Variants in CRAMP1 observed in about 807,000 individuals in gnomAD.
The protein encoded by CRAMP1 is protein cramped-like.
A neutral mutation model predicts 115.4 loss-of-function variants in CRAMP1; 50 were observed. The observed-to-expected ratio is 0.43, with a 90% CI of 0.35 to 0.55. The LOEUF is 0.55. Ranked by LOEUF, CRAMP1 falls within the 20% of genes least tolerant of loss-of-function variation. The pLI, the probability that CRAMP1 is intolerant of heterozygous loss-of-function variation, is 0.01. For missense variants in CRAMP1, 1,679 were observed against 1,721.7 expected (o/e 0.98, Z 0.44); for synonymous variants, 866 against 745.4 (o/e 1.16, Z -2.64).
In CRAMP1 at chr16:1,662,614, C is replaced by T. The variant is rs1220909621; in HGVS notation, c.2538C>T (p.Leu846=). Residue 846 remains leucine (L), a synonymous_variant, in exon 12 of 21, where the codon CTC becomes CTT. Transcript: ENST00000397412. ...CACCCAACAGCCGACACGGGAAGCT[C>T]TTCTCTCCCAGTAAAGAAGCAGAGC... The part of the protein sequence containing the change: ...TLPPNSRHGK[L]FSPSKEAELT... 1.2e-6 allele frequency: 2 copies of T among 1,613,926 alleles called. No individual in the cohort carries two copies. Among genetic ancestry groups the T allele is most frequent in the African/African-American group, 2.7e-5 (2 of 74,942 alleles).
At chr16:1,642,797 T>C (rs1335230264) in intron 6 of CRAMP1, among the ~76,000 whole-genome samples, 2 of 152,216 alleles carry the variant, frequency 1.3e-5, no homozygotes, top group Admixed American at 1.3e-4. Context: ...ATTTCCTCCA[T>C]GATTGATGGA....
Position 1,668,205 on chromosome 16 carries a change from G to A in CRAMP1, c.3334+12G>A, listed in dbSNP as rs377569270. On this transcript the variant is annotated intron_variant, in intron 18 of 20. Transcript: ENST00000397412. The stretch of plus-strand genomic sequence containing the variant: ...CTCCGGTCAGTACGGTAAGGGCAGG[G>A]CGGCCTCACAGCCCTTCCTGTCATC... The A allele has an allele frequency of 2.6e-5, 42 of 1,591,356 alleles. No individual in the cohort carries two copies. In the African/African-American group the frequency reaches 4.8e-4, roughly 18 times the overall value.
rs529763951 is a variant in CRAMP1, at chr16:1,654,369, G to A, written c.1038-850G>A. 1.2e-4 allele frequency among the ~76,000 whole-genome samples: 18 copies of A among 151,808 alleles called. No individual in the cohort carries two copies. The East Asian group carries it at 2.8e-3, about 23-fold the overall frequency. On this transcript the variant is annotated intron_variant, in intron 8 of 20. Coordinates refer to ENST00000397412, the MANE Select transcript of CRAMP1 (RefSeq NM_020825.4). ...TGGGATTACATGCGCGTGCCACCACGCCTGGCTAATTTTTGTATTTTTAGT... is the reference window on the plus strand; with the variant it reads ...TGGGATTACATGCGCGTGCCACCACACCTGGCTAATTTTTGTATTTTTAGT...
chr16:1,640,423 G>C (rs2036622454), intron 5 of CRAMP1, among the ~76,000 whole-genome samples: 1 of 152,128 alleles, frequency 6.6e-6, no homozygotes, highest in African/African-American at 2.4e-5. Context: ...TGGCTGCTTT[G>C]ACAATTTTGT....
chr16:1,633,781 GAC>G (rs2036564976), intron 4 of CRAMP1, among the ~76,000 whole-genome samples: 1 of 152,118 alleles, frequency 6.6e-6, no homozygotes, highest in Non-Finnish European at 1.5e-5. Context: ...CTTTTTGAAA[GAC>G]AGTCCAGGCT....
At chr16:1,647,039 A>G (rs2036681184) in intron 6 of CRAMP1, 2 of 702,782 alleles carry the variant, frequency 2.8e-6, no homozygotes, top group Admixed American at 2.0e-5. Flanking sequence ...TTACAAACAA[A>G]CAGGAAACCT....
At chr16:1,628,403 G>A (rs918340625) in intron 3 of CRAMP1, among the ~76,000 whole-genome samples, 1 of 152,116 alleles carries the variant, frequency 6.6e-6, no homozygotes, top group Non-Finnish European at 1.5e-5. Context: ...ACAGGTGCCC[G>A]CCACCACACC....
intron 2 of CRAMP1, among the ~76,000 whole-genome samples, chr16:1,615,683 G>A (rs2036412818): frequency 6.6e-6 from 1 of 152,198 alleles, no homozygotes; most frequent in African/African-American, 2.4e-5. Context: ...TAAGAAAACG[G>A]CATGTTAGTT....
chr16:1,662,338 T>C (rs2036839177), intron 11 of CRAMP1, 152 bp from the exon 12 acceptor site: 1 of 638,428 alleles, frequency 1.6e-6, no homozygotes, highest in Non-Finnish European at 2.8e-6. Flanking sequence ...TCAGTCTTTA[T>C]GTGGGACTGA....
At position 1,656,642 on chromosome 16, in the gene CRAMP1, A is replaced by G; in HGVS notation, c.1885A>G (p.Thr629Ala). ...CCCCGGGCTCCTGCTGGATGTTTGC[A>G]CTAAAGACTTGGCAGATGCACCTGC... ...PGPGLLLDVC[T>A]KDLADAPAEE... Residue 629 changes from threonine (T) to alanine (A), a missense_variant, in exon 10 of 21, where the codon ACT becomes GCT. By Grantham distance (58) the Thr-to-Ala change is moderately conservative. Transcript: ENST00000397412. The surrounding 1 kb of genome is among the most constrained non-coding windows in gnomAD (Gnocchi z 5.6). 2 of 1,579,130 alleles carry G rather than the reference A, an allele frequency of 1.3e-6. No individual in the cohort carries two copies. The highest frequency in any genetic ancestry group is 1.7e-6 in the Non-Finnish European group (2 of 1,163,702).
At position 1,656,796 on chromosome 16, in the gene CRAMP1, T is replaced by A; in HGVS notation, c.2039T>A (p.Leu680Gln). 7 of 1,548,310 alleles carry A rather than the reference T, an allele frequency of 4.5e-6. No homozygotes were observed. The highest frequency in any genetic ancestry group is 2.0e-5 in the Admixed American group (1 of 50,950). Reference protein sequence around the residue: ...AQQLREEGWNLQTSESLTLAE... With the variant: ...AQQLREEGWNQQTSESLTLAE... ...CAGCTCCGTGAGGAGGGCTGGAACCTGCAGACCTCCGAAAGCCTCACGCTG... is the reference window on the plus strand; with the variant it reads ...CAGCTCCGTGAGGAGGGCTGGAACCAGCAGACCTCCGAAAGCCTCACGCTG... The change falls in exon 10 of 21, where the codon CTG becomes CAG. Residue 680 changes from leucine to glutamine, a missense_variant. Transcript: ENST00000397412. This position sits in a 1 kb window ranked among gnomAD's most constrained non-coding sequence, Gnocchi z 5.6.
At chr16:1,657,364 C>T (rs143702178) in intron 10 of CRAMP1, among the ~76,000 whole-genome samples, 36 of 152,236 alleles carry the variant, frequency 2.4e-4, no homozygotes, top group Non-Finnish European at 1.5e-5. Context: ...TGTGAGCCGC[C>T]TCGTGTTCCT....
At chr16:1,651,843 G>A (rs1168883452) in intron 6 of CRAMP1, among the ~76,000 whole-genome samples, 1 of 151,186 alleles carries the variant, frequency 6.6e-6, no homozygotes, top group African/African-American at 2.4e-5. Flanking sequence ...TCACACAGAG[G>A]TCACAGAAAG....
chr16:1,657,694 G>C (rs932091926), intron 10 of CRAMP1, among the ~76,000 whole-genome samples: 2 of 152,178 alleles, frequency 1.3e-5, no homozygotes, highest in African/African-American at 4.8e-5. Context: ...TTACCACAGG[G>C]AGGCCAGTTG....
At chr16:1,649,901 C>T (rs550612837) in intron 6 of CRAMP1, among the ~76,000 whole-genome samples, 4 of 146,984 alleles carry the variant, frequency 2.7e-5, no homozygotes, top group East Asian at 4.1e-4. Context: ...TCGAGTGATT[C>T]TCCTGTCTCA....
chr16:1,633,231 A>G (rs909458066), intron 4 of CRAMP1, among the ~76,000 whole-genome samples: 1 of 152,130 alleles, frequency 6.6e-6, no homozygotes, highest in African/African-American at 2.4e-5. Flanking sequence ...GGGTTATGGC[A>G]TCTTGACCAT....
intron 13 of CRAMP1, 65 bp downstream of exon 13, chr16:1,662,900 TTCC>T: frequency 2.4e-6 from 3 of 1,258,870 alleles, no homozygotes; most frequent in Admixed American, 4.0e-5. Flanking sequence ...ACAGGGCTTC[TTCC>T]CTCTCTCACA....
At chr16:1,662,403 C>T in intron 11 of CRAMP1, 87 bp from the exon 12 acceptor site, 1 of 1,108,366 alleles carries the variant, frequency 9.0e-7, no homozygotes, top group South Asian at 1.4e-5. Context: ...GAATGTCTTT[C>T]TGACTTTCTT....
rs374300076 is a variant in CRAMP1 at position 1,652,541 on chromosome 16, G to A, written c.873G>A (p.Ala291=). Residue 291 remains alanine, a synonymous_variant, in exon 7 of 21, where the codon GCG becomes GCA. Coordinates refer to ENST00000397412, the MANE Select transcript of CRAMP1 (RefSeq NM_020825.4). ...AAGGGCGGAACCTGCGGATCAAAGC[G>A]CCCATGTGCCGGGCCCTGAAGAAGC... ...RYKGRNLRIK[A]PMCRALKKLC... The A allele has an allele frequency of 1.9e-5, 30 of 1,552,888 alleles. 1 individual carries two copies. The highest frequency in any genetic ancestry group is 1.7e-4 in the South Asian group (14 of 84,130).
Sources: allele counts gnomAD v4.1 joint callset (sites outside exome capture counted in the v4.1 genomes callset), GRCh38; gene constraint gnomAD v4.1.1; non-coding constraint Gnocchi (gnomAD v3.1); transcripts MANE v1.5; gene names NCBI Gene and HGNC (gene_info 2026-07-23, HGNC 2026-07-21).